The following NAB1 variants were observed in gnomAD, a reference collection of about 807,000 sequenced individuals.
The protein encoded by NAB1 is NGFI-A-binding protein 1.
Under a neutral mutation model 49.9 loss-of-function variants are expected in NAB1, and 25 were observed. The observed-to-expected ratio is 0.50, with a 90% CI of 0.37 to 0.70. The LOEUF (loss-of-function observed/expected upper bound fraction) is 0.70. Ranked by LOEUF, NAB1 falls within the 30% of genes least tolerant of loss-of-function variation. NAB1 has a pLI of 0.00. For missense variants in NAB1, 489 were observed against 575.9 expected (o/e 0.85, Z 1.54); for synonymous variants, 198 against 215.6 (o/e 0.92, Z 0.71).
At position 190,691,557 on chromosome 2, in the gene NAB1, G is replaced by A. The variant is rs527268623; in HGVS notation, c.*1224G>A. 6.6e-5 allele frequency: 10 copies of A among 152,240 alleles called. No individual in the cohort carries two copies. In the East Asian group the frequency reaches 1.9e-3, roughly 29 times the overall value. 9.4% of individuals were successfully genotyped at this position (152,240 alleles called of 1,614,324 possible). ...ATGGACCATGTGCATATATATGGGA[G>A]TGTGCTTACATGTTAATAATTTACT... On this transcript the variant is annotated 3_prime_UTR_variant, in exon 10 of 10. Coordinates refer to ENST00000337386, the MANE Select transcript of NAB1 (RefSeq NM_005966.4). This position sits in a 1 kb window ranked among gnomAD's most constrained non-coding sequence, Gnocchi z 4.1.
Position 190,685,750 on chromosome 2 carries a change from G to A in NAB1, c.1258+112G>A. On this transcript the variant is annotated intron_variant, in intron 8 of 9. Coordinates refer to ENST00000337386, the MANE Select transcript of NAB1 (RefSeq NM_005966.4). This position sits in a 1 kb window ranked among gnomAD's most constrained non-coding sequence, Gnocchi z 4.5. ...GATATTTTGTAGAGATTATTTTACA[G>A]GTTCTCTTATCAAAATTATTTTTTG... The A allele has an allele frequency of 2.4e-6, 2 of 842,422 alleles. No individual in the cohort carries two copies. The highest frequency in any genetic ancestry group is 1.6e-6 in the Non-Finnish European group (1 of 614,076). 52.2% of individuals were successfully genotyped at this position (842,422 alleles called of 1,614,324 possible). A position where few individuals can be genotyped will look rare whatever the true frequency, so the allele number is the denominator to read the frequency against.
Position 190,670,267 on chromosome 2 carries a change from T to G in NAB1, c.820-59T>G. ...CATTCTTATATTTTAAGTGAAACCT[T>G]TTGCATTTTGATGAAATTAAAATGT... On this transcript the variant is annotated intron_variant, in intron 4 of 9. Transcript: ENST00000337386. This position sits in a 1 kb window ranked among gnomAD's most constrained non-coding sequence, Gnocchi z 5.3. 6.7e-7 allele frequency: 1 copy of G among 1,487,102 alleles called. No homozygotes were observed. The highest frequency in any genetic ancestry group is 2.1e-5 in the Admixed American group (1 of 47,196). The allele number at this position is 1,487,102 out of a possible 1,614,324, so 92.1% of individuals were successfully genotyped here. A position where few individuals can be genotyped will look rare whatever the true frequency, so the allele number is the denominator to read the frequency against.
chr2:190,653,952 G>T (rs1197348577), intron 2 of NAB1, among the ~76,000 whole-genome samples: 1 of 152,142 alleles, frequency 6.6e-6, no homozygotes, highest in East Asian at 1.9e-4. Context: ...AGGATTGTAG[G>T]TAAAGTAACA....
chr2:190,664,231 C>T (rs180889944), intron 4 of NAB1, among the ~76,000 whole-genome samples: 11 of 152,234 alleles, frequency 7.2e-5, no homozygotes, highest in Admixed American at 2.6e-4. Flanking sequence ...CTTTGTATTA[C>T]GCAGTAATCT....
chr2:190,690,215 T>C, intron 9 of NAB1, 30 bp from the exon 10 acceptor site: 2 of 1,460,302 alleles, frequency 1.4e-6, no homozygotes, highest in Middle Eastern at 1.7e-4. Context: ...GATTAAAATA[T>C]CAACTCACTT....
rs934574782 is a variant in NAB1, at chr2:190,675,808, C to G, written c.1005+2656C>G. Among the ~76,000 whole-genome samples, 12 of 152,138 alleles carry G rather than the reference C, an allele frequency of 7.9e-5. No homozygotes were observed. Among genetic ancestry groups the G allele is most frequent in the African/African-American group, 2.9e-4 (12 of 41,424 alleles). ...TTGTTTTTAATTTTGTTCTGTTCCTCTTTCTTAAAAAGCACTTGTGTATTG... is the reference window on the plus strand; with the variant it reads ...TTGTTTTTAATTTTGTTCTGTTCCTGTTTCTTAAAAAGCACTTGTGTATTG... On this transcript the variant is annotated intron_variant, in intron 6 of 9. Coordinates refer to ENST00000337386, the MANE Select transcript of NAB1 (RefSeq NM_005966.4). This position sits in a 1 kb window ranked among gnomAD's most constrained non-coding sequence, Gnocchi z 5.2.
chr2:190,665,450 G>A lies in NAB1; in HGVS notation c.820-4876G>A, dbSNP rs190473791. 1.8e-4 allele frequency among the ~76,000 whole-genome samples: 28 copies of A among 152,092 alleles called. 2 individuals are homozygous for A. In the East Asian group the frequency reaches 3.5e-3, roughly 19 times the overall value. On this transcript the variant is annotated intron_variant, in intron 4 of 9. Transcript: ENST00000337386. ...ATTTTTACTGTACTGCTTTTTAGTC[G>A]TATTTTCAAATCCCTTTGTTTCTTC...
intron 4 of NAB1, among the ~76,000 whole-genome samples, chr2:190,668,086 A>T (rs999188388): frequency 2.0e-5 from 3 of 152,206 alleles, no homozygotes. Flanking sequence ...GTAAAGTTTT[A>T]AAAAGATAAT....
chr2:190,649,398 C>T lies in NAB1; in HGVS notation c.-334+38C>T, dbSNP rs1035433614. The T allele has an allele frequency of 2.0e-5, 3 of 152,278 alleles. No homozygotes were observed. Among genetic ancestry groups the T allele is most frequent in the African/African-American group, 7.2e-5 (3 of 41,440 alleles). The allele number at this position is 152,278 out of a possible 1,614,324, so 9.4% of individuals were successfully genotyped here. ...GCGGACGGTCGCCACTCCCGGTCCG[C>T]CAAGTGCGGGACACTTTCGCGGCTG... On this transcript the variant is annotated intron_variant, in intron 1 of 9. Coordinates refer to ENST00000337386, the MANE Select transcript of NAB1 (RefSeq NM_005966.4). The surrounding 1 kb of genome is among the most constrained non-coding windows in gnomAD (Gnocchi z 6.1).
chr2:190,652,594 A>G lies in NAB1; in HGVS notation c.-197+2612A>G, dbSNP rs1038339737. On this transcript the variant is annotated intron_variant, in intron 2 of 9. Transcript: ENST00000337386. This position sits in a 1 kb window ranked among gnomAD's most constrained non-coding sequence, Gnocchi z 4.2. ...GCTTCATTCATTCCATTCAGAATTTAGAAACGAATCAATAAGAGACAACAT... is the reference window on the plus strand; with the variant it reads ...GCTTCATTCATTCCATTCAGAATTTGGAAACGAATCAATAAGAGACAACAT... 1.3e-5 allele frequency among the ~76,000 whole-genome samples: 2 copies of G among 152,228 alleles called. No homozygotes were observed. Among genetic ancestry groups the G allele is most frequent in the African/African-American group, 4.8e-5 (2 of 41,470 alleles).
chr2:190,685,671 C>T lies in NAB1; in HGVS notation c.1258+33C>T, dbSNP rs2125863098. 6 of 1,472,322 alleles carry T rather than the reference C, an allele frequency of 4.1e-6. No homozygotes were observed. In the Admixed American group the frequency reaches 1.1e-4, roughly 28 times the overall value. 91.2% of individuals were successfully genotyped at this position (1,472,322 alleles called of 1,614,324 possible). ...TTTAGAATATCCTATGCCTTTAGGG[C>T]CACTATGTGCACTTCAAAGAGAAAC... On this transcript the variant is annotated intron_variant, in intron 8 of 9. Coordinates refer to ENST00000337386, the MANE Select transcript of NAB1 (RefSeq NM_005966.4). The surrounding 1 kb of genome is among the most constrained non-coding windows in gnomAD (Gnocchi z 4.5).
In NAB1 at chr2:190,652,935, A is replaced by G. The variant is rs1693740956; in HGVS notation, c.-197+2953A>G. 6.6e-6 allele frequency among the ~76,000 whole-genome samples: 1 copy of G among 152,238 alleles called. No homozygotes were observed. Among genetic ancestry groups the G allele is most frequent in the African/African-American group, 2.4e-5 (1 of 41,452 alleles). On this transcript the variant is annotated intron_variant, in intron 2 of 9. Coordinates refer to ENST00000337386, the MANE Select transcript of NAB1 (RefSeq NM_005966.4). This position sits in a 1 kb window ranked among gnomAD's most constrained non-coding sequence, Gnocchi z 4.2. Reference sequence around the variant, plus strand: ...TGTCCAACCCGAGGCCTGTGGTTGCATGCAGCCCAGGAGGGCTTTGAATAC... The same window carrying G: ...TGTCCAACCCGAGGCCTGTGGTTGCGTGCAGCCCAGGAGGGCTTTGAATAC...
At chr2:190,681,010 A>G (rs1227994793) in intron 6 of NAB1, among the ~76,000 whole-genome samples, 6 of 152,258 alleles carry the variant, frequency 3.9e-5, no homozygotes, top group Non-Finnish European at 7.3e-5. Context: ...TCTACCCAGT[A>G]TCACAGCAAA....
Position 190,679,809 on chromosome 2 carries a change from G to A in NAB1, c.1006-3929G>A, listed in dbSNP as rs545856396. On this transcript the variant is annotated intron_variant, in intron 6 of 9. Transcript: ENST00000337386. The surrounding 1 kb of genome is among the most constrained non-coding windows in gnomAD (Gnocchi z 5.3). The stretch of plus-strand genomic sequence containing the variant: ...GTATTGAGGCATTGGGGCTCATGGG[G>A]ATTCTGATTGGTGCACTCCACTCAG... 1.8e-3 allele frequency among the ~76,000 whole-genome samples: 274 copies of A among 152,272 alleles called. No individual in the cohort carries two copies. Among genetic ancestry groups the A allele is most frequent in the African/African-American group, 6.3e-3 (262 of 41,546 alleles).
At chr2:190,653,036 T>C (rs1693745678) in intron 2 of NAB1, among the ~76,000 whole-genome samples, 1 of 152,224 alleles carries the variant, frequency 6.6e-6, no homozygotes, top group Admixed American at 6.5e-5. Flanking sequence ...ACAATTCTTC[T>C]TCCAGTGTGG....
rs1695022742 is a variant in NAB1, at chr2:190,675,389, T to C, written c.1005+2237T>C. 6.6e-6 allele frequency among the ~76,000 whole-genome samples: 1 copy of C among 152,248 alleles called. No homozygotes were observed. ...TTGATGAGTTTTATTGGTAAGTCTT[T>C]CTGACCCTCTCAGAGGCCTTGTATT... On this transcript the variant is annotated intron_variant, in intron 6 of 9. Coordinates refer to ENST00000337386, the MANE Select transcript of NAB1 (RefSeq NM_005966.4). This position sits in a 1 kb window ranked among gnomAD's most constrained non-coding sequence, Gnocchi z 5.2.
At chr2:190,650,609 G>A (rs768204390) in intron 2 of NAB1, among the ~76,000 whole-genome samples, 6 of 152,180 alleles carry the variant, frequency 3.9e-5, no homozygotes, top group Non-Finnish European at 8.8e-5. Context: ...GTTATAAGAA[G>A]TATGAGGAGA....
Position 190,679,629 on chromosome 2 carries a change from TTC to T in NAB1, c.1006-4108_1006-4107del, listed in dbSNP as rs1367612588. 2.3e-3 allele frequency among the ~76,000 whole-genome samples: 357 copies of T among 152,272 alleles called. 5 individuals are homozygous for T. The highest frequency in any genetic ancestry group is 8.0e-3 in the African/African-American group (331 of 41,566). On this transcript the variant is annotated intron_variant, in intron 6 of 9. Transcript: ENST00000337386. The surrounding 1 kb of genome is among the most constrained non-coding windows in gnomAD (Gnocchi z 5.3). ...GTTACTTTATTTAATCCCCACAAAC[TTC>T]CAGTGGGCAGATACACAGGTGGTGT...
chr2:190,691,145 G>A lies in NAB1; in HGVS notation c.*812G>A, dbSNP rs1401657190. ...GAAATAAGTGGACCCATGTATAAAA[G>A]CTTTGACTTAAACATTGATATTTCA... On this transcript the variant is annotated 3_prime_UTR_variant, in exon 10 of 10. Coordinates refer to ENST00000337386, the MANE Select transcript of NAB1 (RefSeq NM_005966.4). The surrounding 1 kb of genome is among the most constrained non-coding windows in gnomAD (Gnocchi z 4.1). The A allele has an allele frequency of 1.3e-5, 2 of 152,544 alleles. No homozygotes were observed. The highest frequency in any genetic ancestry group is 4.8e-5 in the African/African-American group (2 of 41,452). 9.4% of individuals were successfully genotyped at this position (152,544 alleles called of 1,614,324 possible). A position where few individuals can be genotyped will look rare whatever the true frequency, so the allele number is the denominator to read the frequency against.
Sources: allele counts gnomAD v4.1 joint callset (sites outside exome capture counted in the v4.1 genomes callset), GRCh38; gene constraint gnomAD v4.1.1; non-coding constraint Gnocchi (gnomAD v3.1); transcripts MANE v1.5; gene names NCBI Gene and HGNC (gene_info 2026-07-23, HGNC 2026-07-21).